UMAD1: variants seen among roughly 807,000 people sequenced by gnomAD.
UMAD1 encodes UBAP1-MVB12-associated (UMA)-domain containing protein 1.
UMAD1 carries 8 observed loss-of-function variants against 6.1 expected under a neutral mutation model. The observed-to-expected ratio is 1.30, with a 90% CI of 0.76 to 2.35. UMAD1 has a LOEUF of 2.35. Among genes scored for constraint, UMAD1 ranks in the 30% most tolerant of loss-of-function variants. The pLI, the probability that UMAD1 is intolerant of heterozygous loss-of-function variation, is 0.00. For missense variants in UMAD1, 130 were observed against 78.4 expected (o/e 1.66, Z -2.49); for synonymous variants, 56 against 31.4 (o/e 1.78, Z -2.61).
chr7:7,806,108 G>C (rs569270971), intron 3 of UMAD1, among the ~76,000 whole-genome samples: 33 of 152,004 alleles, frequency 2.2e-4, no homozygotes, highest in Non-Finnish European at 3.1e-4. Context: ...CTATAACCAA[G>C]GCCTAATGTT....
At chr7:7,841,846 T>C (rs901663972) in intron 3 of UMAD1, among the ~76,000 whole-genome samples, 7 of 152,218 alleles carry the variant, frequency 4.6e-5, no homozygotes, top group African/African-American at 1.7e-4. Context: ...ATACCTCCTA[T>C]ATTTTGTTTC....
chr7:7,710,952 G>A (rs1301960743), intron 2 of UMAD1, among the ~76,000 whole-genome samples: 1 of 152,176 alleles, frequency 6.6e-6, no homozygotes, highest in African/African-American at 2.4e-5. Flanking sequence ...GTAACGTACT[G>A]TATGACTTCA....
chr7:7,846,920 G>T, intron 3 of UMAD1, among the ~76,000 whole-genome samples: 2 of 116,620 alleles, frequency 1.7e-5, no homozygotes, highest in Admixed American at 1.7e-4. Context: ...GTCGGGGGAG[G>T]GGGTAGGGAT....
intron 3 of UMAD1, among the ~76,000 whole-genome samples, chr7:7,825,493 G>A (rs889256850): frequency 2.6e-5 from 4 of 152,082 alleles, no homozygotes; most frequent in African/African-American, 7.2e-5. Context: ...CATCTTACAT[G>A]GATGGCAGCA....
chr7:7,759,162 C>G (rs1781838018), intron 2 of UMAD1, among the ~76,000 whole-genome samples: 2 of 152,116 alleles, frequency 1.3e-5, no homozygotes, highest in African/African-American at 4.8e-5. Context: ...ATGGATTTTA[C>G]TCTGACATGA....
intron 2 of UMAD1, among the ~76,000 whole-genome samples, chr7:7,734,707 C>G (rs986915760): frequency 1.3e-5 from 2 of 152,126 alleles, no homozygotes; most frequent in African/African-American, 4.8e-5. Context: ...TTTGATCTCT[C>G]TTGTTTTCCA....
intron 2 of UMAD1, among the ~76,000 whole-genome samples, chr7:7,776,717 A>G (rs1256780603): frequency 6.6e-6 from 1 of 152,232 alleles, no homozygotes; most frequent in Non-Finnish European, 1.5e-5. Flanking sequence ...ACAATTTAAC[A>G]TTGTATTGTT....
intron 1 of UMAD1, among the ~76,000 whole-genome samples, chr7:7,663,382 C>A (rs59631588): frequency 6.6e-6 from 1 of 151,880 alleles, no homozygotes; most frequent in African/African-American, 2.4e-5. Context: ...AGTTTCCAAG[C>A]TGTTCTGTGG....
chr7:7,832,189 C>A lies in UMAD1; in HGVS notation c.156+30446C>A, dbSNP rs142512334. Reference sequence around the variant, plus strand: ...AGATTTTATGTTCTTCATACCATAGCATTGTATTTTGCCATTGAGCCTACA... The same window carrying A: ...AGATTTTATGTTCTTCATACCATAGAATTGTATTTTGCCATTGAGCCTACA... On this transcript the variant is annotated intron_variant, in intron 3 of 3. Transcript: ENST00000682710. Among the ~76,000 whole-genome samples, 176 of 152,282 alleles carry A rather than the reference C, an allele frequency of 1.2e-3. 1 individual carries two copies. The highest frequency in any genetic ancestry group is 3.8e-3 in the African/African-American group (160 of 41,570).
At chr7:7,675,383 T>G (rs1219843436) in intron 2 of UMAD1, among the ~76,000 whole-genome samples, 2 of 152,158 alleles carry the variant, frequency 1.3e-5, no homozygotes, top group African/African-American at 4.8e-5. Flanking sequence ...TGGCTCCTGG[T>G]GCTGCTAAGA....
intron 2 of UMAD1, among the ~76,000 whole-genome samples, chr7:7,707,339 T>G (rs551177518): frequency 6.6e-6 from 1 of 152,304 alleles, no homozygotes. Context: ...TCAAATTAAA[T>G]TTGTAACTAC....
At chr7:7,793,834 T>A (rs767456987) in intron 2 of UMAD1, among the ~76,000 whole-genome samples, 7 of 152,242 alleles carry the variant, frequency 4.6e-5, no homozygotes, top group Non-Finnish European at 8.8e-5. Context: ...TAACCAAATT[T>A]AACTTTAGAA....
intron 2 of UMAD1, chr7:7,772,471 A>T (rs574289746): frequency 6.6e-6 from 1 of 152,200 alleles, no homozygotes; most frequent in African/African-American, 2.4e-5. Context: ...TAATATATAC[A>T]GTCTCTGAGT....
chr7:7,877,887 C>T lies in UMAD1; in HGVS notation c.*349C>T, dbSNP rs959697639. ...TGGCATTTTTCAGTCACTACAGCTC[C>T]GAAGTCTGAGCAAGAAGTGGGTGTG... On this transcript the variant is annotated 3_prime_UTR_variant, in exon 4 of 4. Coordinates refer to ENST00000682710, the MANE Select transcript of UMAD1 (RefSeq NM_001302348.2). 4.9e-6 allele frequency: 1 copy of T among 204,996 alleles called. No individual in the cohort carries two copies. The highest frequency in any genetic ancestry group is 1.3e-4 in the East Asian group (1 of 7,894). The allele number at this position is 204,996 out of a possible 1,614,324, so 12.7% of individuals were successfully genotyped here. A position where few individuals can be genotyped will look rare whatever the true frequency, so the allele number is the denominator to read the frequency against.
At chr7:7,823,000 C>T (rs1783269714) in intron 3 of UMAD1, among the ~76,000 whole-genome samples, 1 of 151,904 alleles carries the variant, frequency 6.6e-6, no homozygotes, top group South Asian at 2.1e-4. Context: ...TGTCAATGAA[C>T]ATTATTTATT....
At chr7:7,776,400 T>C (rs1335751532) in intron 2 of UMAD1, among the ~76,000 whole-genome samples, 3 of 152,204 alleles carry the variant, frequency 2.0e-5, no homozygotes, top group Non-Finnish European at 2.9e-5. Flanking sequence ...TGTAAATCCA[T>C]TTATATAGTA....
chr7:7,671,449 A>G (rs1402866155), intron 1 of UMAD1, among the ~76,000 whole-genome samples: 1 of 152,212 alleles, frequency 6.6e-6, no homozygotes. Context: ...AATATCAGCT[A>G]TATACCCTTT....
intron 2 of UMAD1, among the ~76,000 whole-genome samples, chr7:7,734,617 T>C (rs927768419): frequency 7.9e-5 from 12 of 152,206 alleles, no homozygotes; most frequent in Non-Finnish European, 1.2e-4. Flanking sequence ...TCATAAATAC[T>C]CAAGATCACA....
At chr7:7,729,324 A>G (rs967521512) in intron 2 of UMAD1, among the ~76,000 whole-genome samples, 4 of 152,204 alleles carry the variant, frequency 2.6e-5, no homozygotes, top group African/African-American at 7.2e-5. Flanking sequence ...CTTAAGAGCC[A>G]TGGAAGCCAA....
Sources: gnomAD v4.1 joint callset for allele counts (sites outside exome capture counted in the v4.1 genomes callset) on GRCh38, gnomAD v4.1.1 for gene constraint, MANE v1.5 for transcripts, NCBI Gene and HGNC (gene_info 2026-07-23, HGNC 2026-07-21) for gene names.